The following TAFA1 variants were observed in gnomAD, a reference collection of about 807,000 sequenced individuals.
The protein encoded by TAFA1 is chemokine-like protein TAFA-1.
Under a neutral mutation model 18.5 loss-of-function variants are expected in TAFA1, and 4 were observed. That is an observed-to-expected ratio of 0.22 (90% CI 0.11 to 0.49). TAFA1 has a LOEUF of 0.49. Ranked by LOEUF, TAFA1 falls within the 20% of genes least tolerant of loss-of-function variation. The pLI is 0.98. For missense variants in TAFA1, 147 were observed against 169.0 expected (o/e 0.87, Z 0.72); for synonymous variants, 56 against 55.2 (o/e 1.01, Z -0.06).
intron 2 of TAFA1, among the ~76,000 whole-genome samples, chr3:68,270,262 A>G (rs1212187057): frequency 6.6e-6 from 1 of 152,100 alleles, no homozygotes; most frequent in Admixed American, 6.6e-5. Flanking sequence ...AATGGTGGGT[A>G]CTCAGTGGGG....
At chr3:68,410,507 T>G (rs1270179164) in intron 2 of TAFA1, among the ~76,000 whole-genome samples, 1 of 151,980 alleles carries the variant, frequency 6.6e-6, no homozygotes, top group Non-Finnish European at 1.5e-5. Context: ...TTATAGATAT[T>G]TTAGATGTAT....
intron 2 of TAFA1, among the ~76,000 whole-genome samples, chr3:68,102,092 A>C (rs2065154126): frequency 1.3e-5 from 2 of 150,568 alleles, no homozygotes; most frequent in African/African-American, 5.0e-5. Flanking sequence ...GTGTTAGAGT[A>C]GCTGATACCT....
At chr3:68,298,500 G>A (rs1276455577) in intron 2 of TAFA1, among the ~76,000 whole-genome samples, 2 of 151,978 alleles carry the variant, frequency 1.3e-5, no homozygotes, top group Non-Finnish European at 2.9e-5. Context: ...ATAAAAGGAG[G>A]GACAAAAACA....
At chr3:68,398,943 C>T (rs1484115461) in intron 2 of TAFA1, among the ~76,000 whole-genome samples, 1 of 152,122 alleles carries the variant, frequency 6.6e-6, no homozygotes, top group African/African-American at 2.4e-5. Flanking sequence ...AGAAAAATTT[C>T]TCTCTCATTT....
chr3:68,120,171 C>CTCTTTTTCTTTCTTTCTTTCTT (rs2065373666), intron 2 of TAFA1, among the ~76,000 whole-genome samples: 9 of 84,436 alleles, frequency 1.1e-4, no homozygotes, highest in Non-Finnish European at 1.9e-4. Flanking sequence ...CTCTTTCTTT[C>CTCTTTTTCTTTCTTTCTTTCTT]TCTTTCTTTC....
intron 2 of TAFA1, among the ~76,000 whole-genome samples, chr3:68,203,902 G>A (rs1263272140): frequency 6.6e-6 from 1 of 151,538 alleles, no homozygotes; most frequent in African/African-American, 2.4e-5. Flanking sequence ...TATTCACTGT[G>A]AGAACCTGGT....
intron 3 of TAFA1, among the ~76,000 whole-genome samples, chr3:68,518,040 G>C (rs1178623552): frequency 6.6e-6 from 1 of 152,150 alleles, no homozygotes; most frequent in Non-Finnish European, 1.5e-5. Context: ...TCATGCACAA[G>C]CATTACTTCC....
chr3:68,538,967 T>G (rs1292941044), intron 4 of TAFA1, 87 bp downstream of exon 4: 45 of 1,405,212 alleles, frequency 3.2e-5, no homozygotes, highest in Non-Finnish European at 2.9e-5. Flanking sequence ...CACAGAAGCT[T>G]TGCACAGGAG....
chr3:68,522,827 C>T (rs1174825697), intron 3 of TAFA1, among the ~76,000 whole-genome samples: 6 of 149,806 alleles, frequency 4.0e-5, no homozygotes, highest in South Asian at 2.1e-4. Context: ...CCAGCCTGGG[C>T]GACTTTGGGA....
At chr3:68,502,480 A>T (rs2072674929) in intron 3 of TAFA1, among the ~76,000 whole-genome samples, 1 of 152,150 alleles carries the variant, frequency 6.6e-6, no homozygotes, top group Non-Finnish European at 1.5e-5. Context: ...AAAATTGACA[A>T]ACTGGGTAGA....
intron 2 of TAFA1, among the ~76,000 whole-genome samples, chr3:68,036,963 A>C (rs1705062887): frequency 6.6e-6 from 1 of 152,198 alleles, no homozygotes; most frequent in African/African-American, 2.4e-5. Context: ...GTCCCTCACC[A>C]GGAACTAATT....
At position 68,073,587 on chromosome 3, in the gene TAFA1, A is replaced by G. The variant is rs186996568; in HGVS notation, c.118+66843A>G. On this transcript the variant is annotated intron_variant, in intron 2 of 4. Coordinates refer to ENST00000478136, the MANE Select transcript of TAFA1 (RefSeq NM_213609.4). ...ATAGCCTATTACTCTCAAACTGTCT[A>G]ATAAGGTTTAGTTGGAAAATTCTGT... Among the ~76,000 whole-genome samples the G allele has an allele frequency of 3.6e-3, 546 of 152,368 alleles. 3 individuals carry two copies. The highest frequency in any genetic ancestry group is 0.013 in the African/African-American group (523 of 41,584).
intron 3 of TAFA1, among the ~76,000 whole-genome samples, chr3:68,431,812 T>G (rs6774910): frequency 2.0e-5 from 3 of 151,936 alleles, no homozygotes; most frequent in African/African-American, 7.3e-5. Context: ...TTTATTTGGC[T>G]GGGAGCGTCG....
chr3:68,246,227 A>G (rs1468266961), intron 2 of TAFA1, among the ~76,000 whole-genome samples: 2 of 152,152 alleles, frequency 1.3e-5, no homozygotes, highest in African/African-American at 4.8e-5. Context: ...CACCTGAACC[A>G]AGAATAAAGA....
chr3:68,222,932 C>G (rs574066401), intron 2 of TAFA1, among the ~76,000 whole-genome samples: 1 of 152,114 alleles, frequency 6.6e-6, no homozygotes, highest in South Asian at 2.1e-4. Flanking sequence ...CTTAGCCTCC[C>G]AAAGTGCTAG....
chr3:68,313,728 C>G (rs1008448779), intron 2 of TAFA1, among the ~76,000 whole-genome samples: 2 of 152,218 alleles, frequency 1.3e-5, no homozygotes, highest in African/African-American at 4.8e-5. Flanking sequence ...CTAATCCTCA[C>G]TCTCTTTGGC....
chr3:68,456,299 C>T (rs570564509), intron 3 of TAFA1, among the ~76,000 whole-genome samples: 73 of 152,284 alleles, frequency 4.8e-4, no homozygotes, highest in African/African-American at 1.7e-3. Flanking sequence ...ATACAGTTAG[C>T]TTCCTGGCTT....
intron 2 of TAFA1, among the ~76,000 whole-genome samples, chr3:68,390,064 G>C (rs1357166436): frequency 1.3e-5 from 2 of 152,152 alleles, no homozygotes; most frequent in Non-Finnish European, 1.5e-5. Flanking sequence ...TTGCTCAGCA[G>C]ACCCTACCCC....
At chr3:68,025,317 C>T (rs1704791490) in intron 2 of TAFA1, among the ~76,000 whole-genome samples, 1 of 152,138 alleles carries the variant, frequency 6.6e-6, no homozygotes, top group Admixed American at 6.5e-5. Context: ...CCCACCACCT[C>T]TATTGCTGTC....
Sources: gnomAD v4.1 joint callset for allele counts (sites outside exome capture counted in the v4.1 genomes callset) on GRCh38, gnomAD v4.1.1 for gene constraint, MANE v1.5 for transcripts, NCBI Gene and HGNC (gene_info 2026-07-23, HGNC 2026-07-21) for gene names.